Variants in CA1 observed in about 807,000 individuals in gnomAD.
CA1 encodes the protein carbonate dehydratase I.
CA1 carries 27 observed loss-of-function variants against 28.8 expected under a neutral mutation model. The observed-to-expected ratio is 0.94, with a 90% CI of 0.69 to 1.29. The LOEUF (loss-of-function observed/expected upper bound fraction) is 1.29. Among genes scored for constraint, CA1 ranks in the 50% most tolerant of loss-of-function variants. The pLI is 0.00. For missense variants in CA1, 335 were observed against 310.5 expected (o/e 1.08, Z -0.59); for synonymous variants, 121 against 108.8 (o/e 1.11, Z -0.70).
At chr8:85,360,729 G>T (rs1809762714) in intron 1 of CA1, among the ~76,000 whole-genome samples, 1 of 152,064 alleles carries the variant, frequency 6.6e-6, no homozygotes, top group Non-Finnish European at 1.5e-5. Context: ...AATGATACAA[G>T]CATAACTCTT....
intron 1 of CA1, among the ~76,000 whole-genome samples, chr8:85,364,945 G>A (rs1809945366): frequency 6.6e-6 from 1 of 152,186 alleles, no homozygotes; most frequent in Non-Finnish European, 1.5e-5. Context: ...GCTTCTAGAC[G>A]GTACTGGCAG....
intron 1 of CA1, among the ~76,000 whole-genome samples, chr8:85,342,503 A>T (rs1469682034): frequency 6.6e-6 from 1 of 152,170 alleles, no homozygotes; most frequent in Non-Finnish European, 1.5e-5. Context: ...CTCCTAATCC[A>T]GTTCCCTTCT....
In CA1 at chr8:85,349,250, G is replaced by A. The variant is rs1452736870; in HGVS notation, c.-24-7591C>T. Among the ~76,000 whole-genome samples, 4 of 152,208 alleles carry A rather than the reference G, an allele frequency of 2.6e-5. No homozygotes were observed. In the South Asian group the frequency reaches 6.2e-4, roughly 24 times the overall value. On this transcript the variant is annotated intron_variant, in intron 1 of 7. Transcript: ENST00000523022. ...GATCTTAATTTGTAACTTTTAAGAAGTTCGGAGGCTGAGAAAAACAAATAT... is the reference window on the plus strand; with the variant it reads ...GATCTTAATTTGTAACTTTTAAGAAATTCGGAGGCTGAGAAAAACAAATAT...
At chr8:85,328,798 A>G in intron 7 of CA1, 122 bp from the exon 8 acceptor site, 1 of 562,896 alleles carries the variant, frequency 1.8e-6, no homozygotes, top group Non-Finnish European at 3.2e-6. Flanking sequence ...TAATATCACT[A>G]ATAGGAAGAG....
intron 1 of CA1, 113 bp downstream of exon 1, chr8:85,377,933 G>A (rs1055709707): frequency 5.3e-5 from 8 of 152,232 alleles, no homozygotes; most frequent in African/African-American, 1.7e-4. Context: ...TCATTGAATA[G>A]TAATTAAGAT....
At chr8:85,344,120 A>G (rs1256644954) in intron 1 of CA1, among the ~76,000 whole-genome samples, 1 of 139,306 alleles carries the variant, frequency 7.2e-6, no homozygotes, top group South Asian at 2.1e-4. Context: ...TTATATATAT[A>G]AAATTTAAAT....
At chr8:85,343,478 A>C (rs1198289679) in intron 1 of CA1, among the ~76,000 whole-genome samples, 2 of 152,180 alleles carry the variant, frequency 1.3e-5, no homozygotes, top group Non-Finnish European at 2.9e-5. Context: ...GGTTTGGCTC[A>C]AGATGACCAA....
At chr8:85,362,820 T>G (rs1809850605) in intron 1 of CA1, among the ~76,000 whole-genome samples, 1 of 152,216 alleles carries the variant, frequency 6.6e-6, no homozygotes, top group African/African-American at 2.4e-5. Context: ...TCTATTGAAA[T>G]TTTTAGGCAG....
At chr8:85,346,812 A>G (rs1585936751) in intron 1 of CA1, among the ~76,000 whole-genome samples, 2 of 151,856 alleles carry the variant, frequency 1.3e-5, no homozygotes, top group Middle Eastern at 6.8e-3. Context: ...AATGATCAAC[A>G]TAAGCCTCAA....
At chr8:85,352,389 C>A (rs1053692380) in intron 1 of CA1, among the ~76,000 whole-genome samples, 5 of 152,182 alleles carry the variant, frequency 3.3e-5, no homozygotes, top group African/African-American at 1.2e-4. Flanking sequence ...ACCTTAGTAA[C>A]ATCCTGAATA....
chr8:85,365,941 A>G (rs1200921908), intron 1 of CA1, among the ~76,000 whole-genome samples: 1 of 152,110 alleles, frequency 6.6e-6, no homozygotes, highest in Non-Finnish European at 1.5e-5. Flanking sequence ...TTGCCCTGGG[A>G]TAAGGAACTC....
At chr8:85,347,719 C>T (rs1294593615) in intron 1 of CA1, among the ~76,000 whole-genome samples, 1 of 152,110 alleles carries the variant, frequency 6.6e-6, no homozygotes, top group Non-Finnish European at 1.5e-5. Context: ...TCATACAAGA[C>T]ATTTTCTGGG....
intron 1 of CA1, among the ~76,000 whole-genome samples, chr8:85,372,389 C>A (rs1015343912): frequency 1.2e-4 from 19 of 152,154 alleles, no homozygotes; most frequent in Admixed American, 1.2e-3. Context: ...AAAGAGCTGT[C>A]ACCATTGTGG....
At position 85,354,827 on chromosome 8, in the gene CA1, G is replaced by A. The variant is rs185992572; in HGVS notation, c.-24-13168C>T. Among the ~76,000 whole-genome samples the A allele has an allele frequency of 4.2e-3, 645 of 152,326 alleles. 4 individuals are homozygous for A. The highest frequency in any genetic ancestry group is 0.014 in the African/African-American group (596 of 41,580). ...CTTAGTTACATCCTGGAATAGACAT[G>A]TATGAACCTGTCTTTTCTGGAAGCT... On this transcript the variant is annotated intron_variant, in intron 1 of 7. Coordinates refer to ENST00000523022, the MANE Select transcript of CA1 (RefSeq NM_001128831.4).
intron 1 of CA1, among the ~76,000 whole-genome samples, chr8:85,370,433 T>TA (rs894257371): frequency 5.3e-5 from 8 of 152,002 alleles, no homozygotes; most frequent in Middle Eastern, 3.2e-3. Context: ...TGGAGTTTTT[T>TA]AAAAAAAACT....
rs1414504212 is a variant in CA1, at chr8:85,328,341, G to A, written c.*219C>T. On this transcript the variant is annotated 3_prime_UTR_variant, in exon 8 of 8. Transcript: ENST00000523022. ...AAACTAAACTTGAATTTAAGCATAAGCTTATGCTTACAGATTACTATTTGC... is the reference window on the plus strand; with the variant it reads ...AAACTAAACTTGAATTTAAGCATAAACTTATGCTTACAGATTACTATTTGC... 1 of 375,638 alleles carries A rather than the reference G, an allele frequency of 2.7e-6. No individual in the cohort carries two copies. The highest frequency in any genetic ancestry group is 4.1e-5 in the Admixed American group (1 of 24,576). The allele number at this position is 375,638 out of a possible 1,614,324, so 23.3% of individuals were successfully genotyped here. A position where few individuals can be genotyped will look rare whatever the true frequency, so the allele number is the denominator to read the frequency against.
At position 85,328,516 on chromosome 8, in the gene CA1, C is replaced by A. The variant is rs755360874; in HGVS notation, c.*44G>T. The A allele has an allele frequency of 1.0e-6, 1 of 999,880 alleles. No individual in the cohort carries two copies. The highest frequency in any genetic ancestry group is 1.7e-5 in the Admixed American group (1 of 59,062). The allele number at this position is 999,880 out of a possible 1,614,324, so 61.9% of individuals were successfully genotyped here. On this transcript the variant is annotated 3_prime_UTR_variant, in exon 8 of 8. Coordinates refer to ENST00000523022, the MANE Select transcript of CA1 (RefSeq NM_001128831.4). ...TTATTTTACTGGATTATGTCAGAAGCAGGGCTGTGTTCTTGAGGAAGGACA... is the reference window on the plus strand; with the variant it reads ...TTATTTTACTGGATTATGTCAGAAGAAGGGCTGTGTTCTTGAGGAAGGACA...
intron 7 of CA1, 81 bp downstream of exon 7, chr8:85,329,608 A>AAT: frequency 8.3e-7 from 1 of 1,208,232 alleles, no homozygotes; most frequent in South Asian, 1.3e-5. Context: ...TGACTGAAAT[A>AAT]ATAATCTCTC....
chr8:85,362,298 C>T (rs1440034486), intron 1 of CA1, among the ~76,000 whole-genome samples: 1 of 152,158 alleles, frequency 6.6e-6, no homozygotes, highest in Non-Finnish European at 1.5e-5. Context: ...TCTCAGGATC[C>T]TTCATTTAAT....
Sources: allele counts gnomAD v4.1 joint callset (sites outside exome capture counted in the v4.1 genomes callset), GRCh38; gene constraint gnomAD v4.1.1; transcripts MANE v1.5; gene names NCBI Gene and HGNC (gene_info 2026-07-23, HGNC 2026-07-21).